Variants in UMAD1 observed in about 807,000 individuals in gnomAD.
UMAD1 encodes UBAP1-MVB12-associated (UMA) domain containing 1, also known as UBAP1-MVB12-associated (UMA)-domain containing protein 1.
UMAD1 carries 8 observed loss-of-function variants against 6.1 expected under a neutral mutation model. That is an observed-to-expected ratio of 1.30 (90% CI 0.76 to 2.35). The LOEUF (loss-of-function observed/expected upper bound fraction) is 2.35, where lower values mean the gene tolerates loss of function less well. Ranked by LOEUF, UMAD1 falls within the 30% of genes most tolerant of loss-of-function variation. The pLI, the probability that UMAD1 is intolerant of heterozygous loss-of-function variation, is 0.00. For synonymous variants in UMAD1, 56 were observed against 31.4 expected (o/e 1.78, Z -2.61); for missense variants, 130 against 78.4 (o/e 1.66, Z -2.49).
intron 3 of UMAD1, among the ~76,000 whole-genome samples, chr7:7,875,637 C>G (rs1339826023): frequency 6.6e-6 from 1 of 152,164 alleles, no homozygotes; most frequent in East Asian, 1.9e-4. Flanking sequence ...AACACTAAAG[C>G]AGGAAGAAGT....
At chr7:7,874,838 G>A (rs970090155) in intron 3 of UMAD1, among the ~76,000 whole-genome samples, 5 of 152,220 alleles carry the variant, frequency 3.3e-5, no homozygotes, top group African/African-American at 9.7e-5. Context: ...GAGAACACCA[G>A]GAGGGCTTCT....
At chr7:7,701,029 A>G (rs1048715129) in intron 2 of UMAD1, among the ~76,000 whole-genome samples, 1 of 152,234 alleles carries the variant, frequency 6.6e-6, no homozygotes, top group African/African-American at 2.4e-5. Context: ...CAGCATGGGC[A>G]ACAGAGGGAG....
At chr7:7,849,202 A>G (rs1200106901) in intron 3 of UMAD1, among the ~76,000 whole-genome samples, 1 of 152,162 alleles carries the variant, frequency 6.6e-6, no homozygotes, top group Non-Finnish European at 1.5e-5. Flanking sequence ...TTACAAATAG[A>G]TTCACTTATT....
At chr7:7,644,883 C>T (rs1785060640) in intron 1 of UMAD1, among the ~76,000 whole-genome samples, 1 of 152,176 alleles carries the variant, frequency 6.6e-6, no homozygotes, top group Admixed American at 6.5e-5. Flanking sequence ...CAAAATTGCA[C>T]TGTATCCTTG....
At position 7,731,378 on chromosome 7, in the gene UMAD1, TG is replaced by T. The variant is rs1177082944; in HGVS notation, c.82+57927del. On this transcript the variant is annotated intron_variant, in intron 2 of 3. Coordinates refer to ENST00000682710, the MANE Select transcript of UMAD1 (RefSeq NM_001302348.2). ...TAAAGGAAACAGGTTAGAGGACATT[TG>T]GAAGCAGTGTTCAGCGGTTTAAGCA... 6.6e-5 allele frequency among the ~76,000 whole-genome samples: 10 copies of T among 152,096 alleles called. No homozygotes were observed. The East Asian group carries it at 1.9e-3, about 29-fold the overall frequency.
At chr7:7,758,091 T>G (rs947434747) in intron 2 of UMAD1, among the ~76,000 whole-genome samples, 4 of 152,056 alleles carry the variant, frequency 2.6e-5, no homozygotes, top group Non-Finnish European at 2.9e-5. Context: ...TATTTTTAAT[T>G]AGAGACAGGG....
chr7:7,760,345 T>C (rs1205080739), intron 2 of UMAD1, among the ~76,000 whole-genome samples: 1 of 151,680 alleles, frequency 6.6e-6, no homozygotes, highest in African/African-American at 2.4e-5. Context: ...CTGTGAGATA[T>C]AATACAAATA....
intron 2 of UMAD1, among the ~76,000 whole-genome samples, chr7:7,675,930 G>A (rs1051511233): frequency 6.6e-6 from 1 of 152,084 alleles, no homozygotes; most frequent in Non-Finnish European, 1.5e-5. Context: ...TTCCCCCCAG[G>A]TGCAAAGCTC....
chr7:7,685,123 A>G (rs1232120803), intron 2 of UMAD1, among the ~76,000 whole-genome samples: 1 of 152,176 alleles, frequency 6.6e-6, no homozygotes, highest in African/African-American at 2.4e-5. Context: ...AATGTACAGT[A>G]TGAATATTCT....
At chr7:7,666,507 C>A (rs960560968) in intron 1 of UMAD1, among the ~76,000 whole-genome samples, 1 of 151,966 alleles carries the variant, frequency 6.6e-6, no homozygotes, top group Non-Finnish European at 1.5e-5. Context: ...TGTACCTGAC[C>A]GGGGCAAATC....
In UMAD1 at chr7:7,794,802, C is replaced by G. The variant is rs373448305; in HGVS notation, c.83-6868C>G. ...ATTACATCCGTAGAGAATCTCCTTC[C>G]CTTTCTAGATCTTTCCCAGATCTAG... is the stretch of plus-strand genomic sequence containing the variant. On this transcript the variant is annotated intron_variant, in intron 2 of 3. Transcript: ENST00000682710. 1.3e-4 allele frequency among the ~76,000 whole-genome samples: 20 copies of G among 152,234 alleles called. No homozygotes were observed. In the South Asian group the frequency reaches 3.7e-3, roughly 28 times the overall value.
At chr7:7,774,360 C>A (rs1782159754) in intron 2 of UMAD1, among the ~76,000 whole-genome samples, 1 of 152,154 alleles carries the variant, frequency 6.6e-6, no homozygotes, top group African/African-American at 2.4e-5. Context: ...ATGGGACATG[C>A]TAATTACTAG....
In UMAD1 at chr7:7,710,105, A is replaced by G. The variant is rs183449144; in HGVS notation, c.82+36652A>G. On this transcript the variant is annotated intron_variant, in intron 2 of 3. Transcript: ENST00000682710. ...CAGTATCATGTATCTGGTCTCATCTATATTGCTCTATGTATCTTTAGTTCT... is the reference window on the plus strand; with the variant it reads ...CAGTATCATGTATCTGGTCTCATCTGTATTGCTCTATGTATCTTTAGTTCT... 9.2e-5 allele frequency among the ~76,000 whole-genome samples: 14 copies of G among 152,288 alleles called. No individual in the cohort carries two copies. The East Asian group carries it at 2.1e-3, about 23-fold the overall frequency.
At chr7:7,748,166 G>T (rs1356359484) in intron 2 of UMAD1, among the ~76,000 whole-genome samples, 1 of 150,084 alleles carries the variant, frequency 6.7e-6, no homozygotes, top group African/African-American at 2.5e-5. Context: ...GGATGGTCTT[G>T]ATCTCTTGAC....
chr7:7,651,387 G>A (rs1257992369), intron 1 of UMAD1, among the ~76,000 whole-genome samples: 1 of 152,150 alleles, frequency 6.6e-6, no homozygotes, highest in African/African-American at 2.4e-5. Context: ...AGGCCAAAAG[G>A]CAACATTTGG....
At chr7:7,650,047 A>G (rs1384905718) in intron 1 of UMAD1, among the ~76,000 whole-genome samples, 1 of 152,220 alleles carries the variant, frequency 6.6e-6, no homozygotes, top group Non-Finnish European at 1.5e-5. Context: ...ATTTTGTTAT[A>G]GCAGCATGGA....
intron 2 of UMAD1, among the ~76,000 whole-genome samples, chr7:7,767,316 G>A (rs1455546440): frequency 1.3e-5 from 2 of 151,800 alleles, no homozygotes; most frequent in Admixed American, 1.3e-4. Context: ...TAGTAGAGAC[G>A]GGGTTTCACC....
intron 2 of UMAD1, among the ~76,000 whole-genome samples, chr7:7,793,122 C>T (rs567008733): frequency 3.0e-4 from 46 of 152,294 alleles, no homozygotes; most frequent in Admixed American, 6.5e-4. Flanking sequence ...GAATAGCAGT[C>T]GAAACCAAGA....
At chr7:7,802,710 A>G (rs980666912) in intron 3 of UMAD1, among the ~76,000 whole-genome samples, 4 of 152,182 alleles carry the variant, frequency 2.6e-5, no homozygotes, top group Non-Finnish European at 4.4e-5. Flanking sequence ...ATATGAGGGT[A>G]TTGCTGCATA....
Sources: gnomAD v4.1 joint callset for allele counts (sites outside exome capture counted in the v4.1 genomes callset) on GRCh38, gnomAD v4.1.1 for gene constraint, MANE v1.5 for transcripts, NCBI Gene and HGNC (gene_info 2026-07-23, HGNC 2026-07-21) for gene names.